Variants in UXS1 observed in about 807,000 individuals in gnomAD.
The protein encoded by UXS1 is UDP-glucuronic acid decarboxylase 1.
A neutral mutation model predicts 62.6 loss-of-function variants in UXS1; 33 were observed. That is an observed-to-expected ratio of 0.53 (90% confidence interval 0.40 to 0.70). UXS1 has a LOEUF of 0.70. Among genes scored for constraint, UXS1 ranks in the 30% least tolerant of loss-of-function variants. The pLI is 0.00. For synonymous variants in UXS1, 213 were observed against 206.8 expected (o/e 1.03, Z -0.26); for missense variants, 434 against 556.3 (o/e 0.78, Z 2.21).
At chr2:106,143,088 AAT>A (rs919177857) in intron 6 of UXS1, among the ~76,000 whole-genome samples, 6 of 152,100 alleles carry the variant, frequency 3.9e-5, no homozygotes, top group African/African-American at 1.4e-4. Context: ...TTATATAAAC[AAT>A]AGTGTCATAA....
At chr2:106,122,367 C>G (rs1462523060) in intron 9 of UXS1, among the ~76,000 whole-genome samples, 1 of 152,168 alleles carries the variant, frequency 6.6e-6, no homozygotes, top group Non-Finnish European at 1.5e-5. Context: ...CTTCACAAAC[C>G]CTGTGTCAGA....
chr2:106,175,762 G>A (rs1340615337), intron 1 of UXS1, among the ~76,000 whole-genome samples: 1 of 152,160 alleles, frequency 6.6e-6, no homozygotes, highest in Non-Finnish European at 1.5e-5. Flanking sequence ...GCAAGTGGAT[G>A]CTCTAACCTG....
At chr2:106,190,722 A>C (rs527835612) in intron 1 of UXS1, among the ~76,000 whole-genome samples, 2 of 148,892 alleles carry the variant, frequency 1.3e-5, no homozygotes, top group South Asian at 4.4e-4. Context: ...CAGCCTGGGC[A>C]ACAAAAGCGA....
chr2:106,123,188 C>G (rs1335922804), intron 8 of UXS1, 97 bp from the exon 9 acceptor site: 26 of 1,546,408 alleles, frequency 1.7e-5, no homozygotes, highest in Non-Finnish European at 2.1e-5. Context: ...TTCGGAAAGA[C>G]CCATTTAGAG....
intron 6 of UXS1, 114 bp from the exon 7 acceptor site, chr2:106,129,892 G>T: frequency 1.7e-6 from 1 of 592,230 alleles, no homozygotes; most frequent in Non-Finnish European, 2.8e-6. Context: ...CTGAAATCAA[G>T]TTATTTTATT....
At chr2:106,127,869 G>A (rs1452261379) in intron 7 of UXS1, among the ~76,000 whole-genome samples, 2 of 152,174 alleles carry the variant, frequency 1.3e-5, no homozygotes, top group African/African-American at 2.4e-5. Flanking sequence ...GCCCTAGCTC[G>A]AGTCATTTTT....
chr2:106,170,666 G>GAC (rs1053627079), intron 1 of UXS1, among the ~76,000 whole-genome samples: 13 of 152,116 alleles, frequency 8.5e-5, no homozygotes, highest in East Asian at 5.8e-4. Context: ...CCAAAGAACA[G>GAC]ACACACACAC....
At position 106,186,457 on chromosome 2, in the gene UXS1, T is replaced by TATATACACACAC. The variant is rs375660148; in HGVS notation, c.94+7690_94+7691insGTGTGTGTATAT. Among the ~76,000 whole-genome samples, 394 of 148,794 alleles carry TATATACACACAC rather than the reference T, an allele frequency of 2.6e-3. 2 individuals carry two copies. The highest frequency in any genetic ancestry group is 7.4e-3 in the African/African-American group (296 of 40,138). On this transcript the variant is annotated intron_variant, in intron 1 of 14. Coordinates refer to ENST00000283148, the MANE Select transcript of UXS1 (RefSeq NM_001253875.2). ...CTCTGGGCTTTTATATATATATATATACACACACACACACACACATATACA... is the reference window on the plus strand; with the variant it reads ...CTCTGGGCTTTTATATATATATATATATATACACACACACACACACACACACACACATATACA...
rs571271122 is a variant in UXS1 at position 106,093,995 on chromosome 2, A to T, written c.*31T>A. The T allele has an allele frequency of 1.3e-6, 2 of 1,584,226 alleles. No individual in the cohort carries two copies. Among genetic ancestry groups the T allele is most frequent in the African/African-American group, 2.7e-5 (2 of 72,912 alleles). On this transcript the variant is annotated 3_prime_UTR_variant, in exon 15 of 15. Coordinates refer to ENST00000283148, the MANE Select transcript of UXS1 (RefSeq NM_001253875.2). Reference sequence around the variant, plus strand: ...AAAAATACATCCCATCAAGTGTACAATGGTAGTCTTGTGTCCTAAAAGTGA... The same window carrying T: ...AAAAATACATCCCATCAAGTGTACATTGGTAGTCTTGTGTCCTAAAAGTGA...
chr2:106,170,778 C>T (rs1683506730), intron 1 of UXS1, among the ~76,000 whole-genome samples: 1 of 152,172 alleles, frequency 6.6e-6, no homozygotes, highest in Non-Finnish European at 1.5e-5. Context: ...TGTAGAGTAG[C>T]CTGGAAGGTT....
intron 7 of UXS1, among the ~76,000 whole-genome samples, chr2:106,127,486 C>T (rs1680057944): frequency 2.6e-5 from 4 of 152,178 alleles, no homozygotes; most frequent in African/African-American, 7.2e-5. Context: ...TTCTGTAGCA[C>T]TTTCATGGAA....
At chr2:106,165,996 A>G in intron 2 of UXS1, 60 bp downstream of exon 2, 1 of 1,524,888 alleles carries the variant, frequency 6.6e-7, no homozygotes, top group Non-Finnish European at 9.0e-7. Flanking sequence ...GTATATATGT[A>G]CCAACTGAAA....
chr2:106,109,017 T>C (rs1177623025), intron 10 of UXS1, among the ~76,000 whole-genome samples: 1 of 152,102 alleles, frequency 6.6e-6, no homozygotes, highest in Non-Finnish European at 1.5e-5. Flanking sequence ...CCGACCACCC[T>C]GGCCTGTTGT....
rs61524060 is a variant in UXS1, at chr2:106,096,183, GGTGTGT to G, written c.1146+529_1146+534del. ...CCTTGGCACAGCGTTCACAGTCAGGGGTGTGTGTGTGTGTGTGTGTGTATGTATGTG... is the reference window on the plus strand; with the variant it reads ...CCTTGGCACAGCGTTCACAGTCAGGGGTGTGTGTGTGTGTGTATGTATGTG... On this transcript the variant is annotated intron_variant, in intron 14 of 14. Coordinates refer to ENST00000283148, the MANE Select transcript of UXS1 (RefSeq NM_001253875.2). Among the ~76,000 whole-genome samples the G allele has an allele frequency of 7.2e-5, 11 of 151,806 alleles. 1 individual carries two copies. The South Asian group carries it at 1.7e-3, about 23-fold the overall frequency.
intron 5 of UXS1, among the ~76,000 whole-genome samples, chr2:106,154,428 T>C (rs541333438): frequency 2.4e-4 from 36 of 152,340 alleles, no homozygotes; most frequent in African/African-American, 7.5e-4. Flanking sequence ...GATAAGGTTA[T>C]ACTGGATTAG....
Position 106,152,585 on chromosome 2 carries a change from GAAAGA to G in UXS1, c.291+5468_291+5472del, listed in dbSNP as rs1262482303. ...AAGGAAGGAAAGGAAGGAAAGGAAA[GAAAGA>G]AAAGAAAAGAAAAAAGAAGAGAAAA... On this transcript the variant is annotated intron_variant, in intron 5 of 14. Transcript: ENST00000283148. Among the ~76,000 whole-genome samples, 325 of 148,668 alleles carry G rather than the reference GAAAGA, an allele frequency of 2.2e-3. 3 individuals are homozygous for G. Among genetic ancestry groups the G allele is most frequent in the African/African-American group, 7.6e-3 (304 of 40,174 alleles).
chr2:106,120,583 A>T, intron 9 of UXS1, among the ~76,000 whole-genome samples: 1 of 152,162 alleles, frequency 6.6e-6, no homozygotes, highest in East Asian at 1.9e-4. Flanking sequence ...ATGAAACTAC[A>T]GTTTACTGAC....
At chr2:106,138,330 A>T in intron 6 of UXS1, 1 of 985,586 alleles carries the variant, frequency 1.0e-6, no homozygotes, top group Non-Finnish European at 1.2e-6. Flanking sequence ...TGCCTTGTCC[A>T]GAGATTCACA....
chr2:106,104,237 T>C (rs896499917), intron 11 of UXS1, among the ~76,000 whole-genome samples: 2 of 152,166 alleles, frequency 1.3e-5, no homozygotes, highest in Admixed American at 1.3e-4. Flanking sequence ...CCTTCTAAAA[T>C]TAATCACCAA....
Sources: allele counts gnomAD v4.1 joint callset (sites outside exome capture counted in the v4.1 genomes callset), GRCh38; gene constraint gnomAD v4.1.1; transcripts MANE v1.5; gene names NCBI Gene and HGNC (gene_info 2026-07-23, HGNC 2026-07-21).